The following TMEM192 variants were observed in gnomAD, a reference collection of about 807,000 sequenced individuals.
TMEM192 encodes transmembrane protein 192.
Under a neutral mutation model 26.7 loss-of-function variants are expected in TMEM192, and 20 were observed. That is an observed-to-expected ratio of 0.75 (90% CI 0.53 to 1.09). The LOEUF is 1.09. Among genes scored for constraint, TMEM192 ranks in the 50% least tolerant of loss-of-function variants. TMEM192 has a pLI of 0.00. For missense variants in TMEM192, 304 were observed against 322.6 expected (o/e 0.94, Z 0.44); for synonymous variants, 124 against 121.0 (o/e 1.02, Z -0.16).
intron 4 of TMEM192, 91 bp from the exon 5 acceptor site, chr4:165,085,779 C>A: frequency 1.1e-6 from 1 of 903,798 alleles, no homozygotes; most frequent in Non-Finnish European, 1.7e-6. Flanking sequence ...TTCTTATTAA[C>A]GTCCTTGAGT....
intron 1 of TMEM192, among the ~76,000 whole-genome samples, chr4:165,111,265 T>C (rs1473196307): frequency 6.6e-6 from 1 of 152,146 alleles, no homozygotes; most frequent in Non-Finnish European, 1.5e-5. Context: ...GGCTAATTTT[T>C]GTATTTTTAG....
intron 3 of TMEM192, among the ~76,000 whole-genome samples, chr4:165,092,359 T>A (rs1734787330): frequency 6.6e-6 from 1 of 152,134 alleles, no homozygotes; most frequent in African/African-American, 2.4e-5. Context: ...TGACCGCAAG[T>A]GATCCGCGAG....
intron 3 of TMEM192, among the ~76,000 whole-genome samples, chr4:165,096,891 C>T (rs1734919680): frequency 6.6e-6 from 1 of 152,054 alleles, no homozygotes; most frequent in African/African-American, 2.4e-5. Flanking sequence ...CAGACCATCA[C>T]TTGAGAAACT....
intron 2 of TMEM192, 53 bp downstream of exon 2, chr4:165,102,897 T>C: frequency 1.6e-5 from 25 of 1,515,740 alleles, no homozygotes; most frequent in Non-Finnish European, 1.9e-5. Flanking sequence ...AACACTTATA[T>C]AATTTTTACA....
chr4:165,111,714 ATTGT>A (rs1302902140), intron 1 of TMEM192: 1 of 152,198 alleles, frequency 6.6e-6, no homozygotes, highest in African/African-American at 2.4e-5. Flanking sequence ...TTCATTAGAA[ATTGT>A]TTGGTCTTTA....
At chr4:165,108,406 C>T (rs1735218667) in intron 1 of TMEM192, among the ~76,000 whole-genome samples, 1 of 152,122 alleles carries the variant, frequency 6.6e-6, no homozygotes, top group Admixed American at 6.5e-5. Context: ...CAGGCATGAG[C>T]CACCGCACCC....
chr4:165,086,418 CTTTT>C (rs34384682), intron 4 of TMEM192, among the ~76,000 whole-genome samples: 8 of 123,298 alleles, frequency 6.5e-5, no homozygotes, highest in Non-Finnish European at 6.8e-5. Context: ...GGCATTTACA[CTTTT>C]TTTTTTTTTT....
At chr4:165,085,086 C>T (rs1341230130) in intron 5 of TMEM192, among the ~76,000 whole-genome samples, 1 of 152,074 alleles carries the variant, frequency 6.6e-6, no homozygotes, top group East Asian at 1.9e-4. Context: ...ACCAGCCTGA[C>T]CAACATGGAG....
chr4:165,081,462 C>T (rs1734518311), intron 5 of TMEM192, among the ~76,000 whole-genome samples: 1 of 138,088 alleles, frequency 7.2e-6, no homozygotes, highest in African/African-American at 2.6e-5. Flanking sequence ...CAGCTCACTG[C>T]AAACTCCGCC....
chr4:165,094,040 C>T (rs1734834258), intron 3 of TMEM192, among the ~76,000 whole-genome samples: 1 of 152,172 alleles, frequency 6.6e-6, no homozygotes, highest in East Asian at 1.9e-4. Flanking sequence ...GCTGGGATTA[C>T]AGGCACCTGC....
At position 165,070,808 on chromosome 4, in the gene TMEM192, C is replaced by T. The variant is rs934929049; in HGVS notation, c.*8850G>A. ...GAGCATAGTTTTTCTACTACAATTCCAGTAGTGAAATCACTGAAGTTAGTG... is the reference window on the plus strand; with the variant it reads ...GAGCATAGTTTTTCTACTACAATTCTAGTAGTGAAATCACTGAAGTTAGTG... On this transcript the variant is annotated 3_prime_UTR_variant, in exon 6 of 6. Transcript: ENST00000306480. The T allele has an allele frequency of 6.6e-6, 1 of 152,176 alleles. No homozygotes were observed. Among genetic ancestry groups the T allele is most frequent in the African/African-American group, 2.4e-5 (1 of 41,432 alleles). The allele number at this position is 152,176 out of a possible 1,614,324, so 9.4% of individuals were successfully genotyped here. A position where few individuals can be genotyped will look rare whatever the true frequency, so the allele number is the denominator to read the frequency against.
chr4:165,109,349 T>TTTTA (rs955776784), intron 1 of TMEM192, among the ~76,000 whole-genome samples: 51 of 152,178 alleles, frequency 3.4e-4, no homozygotes, highest in African/African-American at 9.1e-4. Flanking sequence ...CCTGGGAAAT[T>TTTTA]TTTATTTATT....
intron 1 of TMEM192, among the ~76,000 whole-genome samples, chr4:165,109,392 G>A (rs1849459): frequency 0.45 from 68,345 of 151,940 alleles, 15,703 homozygotes; most frequent in Middle Eastern, 0.59. Flanking sequence ...ACAGAATTTC[G>A]CTCTTGTTGC....
chr4:165,104,020 G>T (rs918192175), intron 1 of TMEM192, among the ~76,000 whole-genome samples: 1 of 152,190 alleles, frequency 6.6e-6, no homozygotes, highest in African/African-American at 2.4e-5. Context: ...CTACTCGGGA[G>T]GCTGAGGCAG....
At position 165,085,587 on chromosome 4, in the gene TMEM192, T is replaced by C. The variant is rs1560926658; in HGVS notation, c.676A>G (p.Arg226Gly). The change falls in exon 5 of 6, where the codon AGA (arginine) becomes GGA (glycine). Residue 226 changes from arginine to glycine, a missense_variant and splice_region_variant. By Grantham distance (125) the Arg-to-Gly change is moderately radical. Transcript: ENST00000306480. ...ATTTTATTCTCACCTAAATCTTACC[T>C]GAATCCAGTCTCCGAGGTAATATTG... ...PSNITSETGF[R>G]TISSLEEIVE... 1 of 1,600,532 alleles carries C rather than the reference T, an allele frequency of 6.2e-7. No homozygotes were observed. Among genetic ancestry groups the C allele is most frequent in the Admixed American group, 1.7e-5 (1 of 57,794 alleles).
intron 3 of TMEM192, among the ~76,000 whole-genome samples, chr4:165,090,526 G>A (rs941786784): frequency 6.6e-6 from 1 of 152,122 alleles, no homozygotes; most frequent in Non-Finnish European, 1.5e-5. Context: ...TCATCTGGCT[G>A]TTCATCTATC....
At chr4:165,103,430 T>C (rs1323039637) in intron 1 of TMEM192, among the ~76,000 whole-genome samples, 2 of 151,180 alleles carry the variant, frequency 1.3e-5, no homozygotes, top group Admixed American at 1.3e-4. Context: ...CTGCAACCTC[T>C]GCCTCCCAGG....
At chr4:165,089,040 CAAAAAAAAAAA>C (rs56000323) in intron 3 of TMEM192, among the ~76,000 whole-genome samples, 3 of 47,310 alleles carry the variant, frequency 6.3e-5, no homozygotes, top group African/African-American at 1.8e-4. Flanking sequence ...GACCCTACTG[CAAAAAAAAAAA>C]AAAAAAAAAA....
Position 165,112,819 on chromosome 4 carries a change from C to T in TMEM192, c.-46G>A. The T allele has an allele frequency of 6.3e-7, 1 of 1,596,098 alleles. No individual in the cohort carries two copies. Among genetic ancestry groups the T allele is most frequent in the African/African-American group, 1.4e-5 (1 of 74,014 alleles). ...AGCCCTGGCCAGCCCGGCCTCTCCACCTGGACCTGTAAGCCTCTGGCCGCG... is the reference window on the plus strand; with the variant it reads ...AGCCCTGGCCAGCCCGGCCTCTCCATCTGGACCTGTAAGCCTCTGGCCGCG... On this transcript the variant is annotated 5_prime_UTR_variant, in exon 1 of 6. In the 5' UTR this introduces an upstream ATG that the reference lacks. Coordinates refer to ENST00000306480, the MANE Select transcript of TMEM192 (RefSeq NM_001100389.2).
Sources: allele counts gnomAD v4.1 joint callset (sites outside exome capture counted in the v4.1 genomes callset), GRCh38; gene constraint gnomAD v4.1.1; transcripts MANE v1.5; gene names NCBI Gene and HGNC (gene_info 2026-07-23, HGNC 2026-07-21).